The following SLC39A11 variants were observed in gnomAD, a reference collection of about 807,000 sequenced individuals.
SLC39A11 encodes zinc transporter ZIP11.
Under a neutral mutation model 36.1 loss-of-function variants are expected in SLC39A11, and 33 were observed. The ratio of observed to expected loss-of-function variants is 0.91; its 90% CI spans 0.69 to 1.22. SLC39A11 has a LOEUF of 1.22. Among genes scored for constraint, SLC39A11 ranks in the 50% most tolerant of loss-of-function variants. SLC39A11 has a pLI of 0.00. For synonymous variants in SLC39A11, 166 were observed against 170.3 expected, an observed-to-expected ratio of 0.97 and a Z score of 0.20; for missense variants, 432 against 430.3, an observed-to-expected ratio of 1.00 and a Z score of -0.03.
At chr17:72,838,264 T>C (rs1567797894) in intron 6 of SLC39A11, 5 of 354,406 alleles carry the variant, frequency 1.4e-5, no homozygotes, top group South Asian at 1.5e-4. Context: ...GGTCTTGCTC[T>C]GTCACCTTGG....
intron 2 of SLC39A11, 54 bp from the exon 3 acceptor site, chr17:73,084,900 C>T: frequency 6.3e-7 from 1 of 1,591,282 alleles, no homozygotes; most frequent in Non-Finnish European, 8.6e-7. Context: ...GATGATGTTT[C>T]CTGGGACAAG....
At chr17:72,856,477 G>A (rs995442592) in intron 5 of SLC39A11, among the ~76,000 whole-genome samples, 5 of 152,182 alleles carry the variant, frequency 3.3e-5, no homozygotes, top group African/African-American at 1.2e-4. Context: ...CTAGCTGGGA[G>A]TAGCAGGTAT....
Position 73,062,461 on chromosome 17 carries a change from C to CAAAAAAAA in SLC39A11, c.147+22339_147+22346dup, listed in dbSNP as rs1555698613. 1.7e-3 allele frequency among the ~76,000 whole-genome samples: 47 copies of CAAAAAAAA among 27,828 alleles called. 3 individuals are homozygous for CAAAAAAAA. Among genetic ancestry groups the CAAAAAAAA allele is most frequent in the African/African-American group, 4.1e-3 (30 of 7,366 alleles). The allele number at this position is 27,828 out of a possible 152,430, so 18.3% of individuals were successfully genotyped here. On this transcript the variant is annotated intron_variant, in intron 3 of 9. Coordinates refer to ENST00000255559, the MANE Select transcript of SLC39A11 (RefSeq NM_139177.4). The stretch of plus-strand genomic sequence containing the variant: ...TGGGTGATAGTGCCAGAGCTTGTCT[C>CAAAAAAAA]AAAAAAAAAAAAAAAAACTTTAGGT...
At position 72,704,474 on chromosome 17, in the gene SLC39A11, TAAGGAATAACAGTA is replaced by T. The variant is rs556766333; in HGVS notation, c.671+32162_671+32175del. On this transcript the variant is annotated intron_variant, in intron 7 of 9. Coordinates refer to ENST00000255559, the MANE Select transcript of SLC39A11 (RefSeq NM_139177.4). Reference sequence around the variant, plus strand: ...AAGATGCGGCTAGATTCACTGGTCCTAAGGAATAACAGTAAAGATGAGGATGTATGTTGACAAAT... The same window carrying T: ...AAGATGCGGCTAGATTCACTGGTCCTAAGATGAGGATGTATGTTGACAAAT... 2.9e-3 allele frequency among the ~76,000 whole-genome samples: 435 copies of T among 152,316 alleles called. 2 individuals carry two copies. The highest frequency in any genetic ancestry group is 0.01 in the Middle Eastern group (3 of 294).
At chr17:73,039,192 A>T (rs1279640768) in intron 3 of SLC39A11, among the ~76,000 whole-genome samples, 1 of 151,994 alleles carries the variant, frequency 6.6e-6, no homozygotes, top group East Asian at 1.9e-4. Flanking sequence ...ATACCACCCC[A>T]ACCCGATTCC....
intron 5 of SLC39A11, among the ~76,000 whole-genome samples, chr17:72,917,196 G>A (rs2083381866): frequency 6.6e-6 from 1 of 152,190 alleles, no homozygotes; most frequent in Non-Finnish European, 1.5e-5. Context: ...ATGCACACAC[G>A]TGGTTAACAC....
chr17:72,847,175 G>C (rs944681472), intron 6 of SLC39A11, among the ~76,000 whole-genome samples: 29 of 152,184 alleles, frequency 1.9e-4, no homozygotes, highest in African/African-American at 6.8e-4. Flanking sequence ...GGCTGAGGTG[G>C]GCTAATCACT....
intron 6 of SLC39A11, among the ~76,000 whole-genome samples, chr17:72,828,405 G>A (rs1445227471): frequency 1.3e-5 from 2 of 152,252 alleles, no homozygotes; most frequent in Non-Finnish European, 2.9e-5. Context: ...GCAGCCATGG[G>A]AAGTCGGAAA....
intron 7 of SLC39A11, among the ~76,000 whole-genome samples, chr17:72,685,611 C>G (rs969607364): frequency 1.3e-5 from 2 of 152,184 alleles, no homozygotes; most frequent in African/African-American, 4.8e-5. Flanking sequence ...ACCAGGTCCC[C>G]CTCATACTTT....
intron 5 of SLC39A11, among the ~76,000 whole-genome samples, chr17:72,872,282 C>T (rs1193411976): frequency 2.0e-5 from 3 of 152,128 alleles, no homozygotes; most frequent in African/African-American, 7.2e-5. Context: ...TCCACATCCT[C>T]ACACATGGGA....
At chr17:72,842,008 C>T (rs1012567097) in intron 6 of SLC39A11, among the ~76,000 whole-genome samples, 11 of 151,742 alleles carry the variant, frequency 7.2e-5, no homozygotes, top group African/African-American at 1.5e-4. Context: ...AGGTTGAGGC[C>T]GCAGTGAGCC....
At chr17:73,091,033 C>T (rs2060907068) in intron 1 of SLC39A11, among the ~76,000 whole-genome samples, 1 of 152,184 alleles carries the variant, frequency 6.6e-6, no homozygotes, top group Non-Finnish European at 1.5e-5. Flanking sequence ...AATGCAGAAA[C>T]TCAGGTCTCA....
chr17:72,766,699 T>C (rs531367101), intron 6 of SLC39A11, among the ~76,000 whole-genome samples: 8 of 152,230 alleles, frequency 5.3e-5, no homozygotes, highest in Non-Finnish European at 1.2e-4. Context: ...TCAGATACTC[T>C]GCTTGTTATT....
intron 5 of SLC39A11, among the ~76,000 whole-genome samples, chr17:72,920,597 C>A (rs1454653594): frequency 6.0e-5 from 9 of 150,396 alleles, no homozygotes; most frequent in Non-Finnish European, 1.2e-4. Context: ...CCTCTTCCCA[C>A]CCCCTCTACA....
intron 7 of SLC39A11, among the ~76,000 whole-genome samples, chr17:72,660,306 A>G (rs1204663081): frequency 6.6e-6 from 1 of 152,210 alleles, no homozygotes; most frequent in Non-Finnish European, 1.5e-5. Context: ...AAAAATGACG[A>G]TAACCACTGC....
chr17:72,885,839 G>A (rs2081413983), intron 5 of SLC39A11, among the ~76,000 whole-genome samples: 1 of 152,086 alleles, frequency 6.6e-6, no homozygotes, highest in South Asian at 2.1e-4. Flanking sequence ...CATCTATTCT[G>A]CACTTGTCGC....
chr17:72,820,101 G>A (rs8069380), intron 6 of SLC39A11, among the ~76,000 whole-genome samples: 4,806 of 151,380 alleles, frequency 0.032, 287 homozygotes, highest in African/African-American at 0.1. Context: ...TGTGACTTCC[G>A]TCAGTTTACA....
intron 4 of SLC39A11, among the ~76,000 whole-genome samples, chr17:72,978,054 C>A (rs2087993127): frequency 6.6e-6 from 1 of 152,226 alleles, no homozygotes; most frequent in Non-Finnish European, 1.5e-5. Context: ...CCAGGGTGGT[C>A]GTTGAGAATC....
chr17:72,732,989 G>C (rs28560029), intron 7 of SLC39A11, among the ~76,000 whole-genome samples: 6,557 of 152,222 alleles, frequency 0.043, 186 homozygotes, highest in African/African-American at 0.087. Context: ...AGTTGCACAC[G>C]CAAGTTCCTG....
Sources: gnomAD v4.1 joint callset for allele counts (sites outside exome capture counted in the v4.1 genomes callset) on GRCh38, gnomAD v4.1.1 for gene constraint, MANE v1.5 for transcripts, NCBI Gene and HGNC (gene_info 2026-07-23, HGNC 2026-07-21) for gene names.